The following ZNF407 variants were observed in gnomAD, a reference collection of about 807,000 sequenced individuals.
ZNF407 encodes zinc finger protein 407.
Under a neutral mutation model 131.2 loss-of-function variants are expected in ZNF407, and 17 were observed. That is an observed-to-expected ratio of 0.13 (90% confidence interval 0.09 to 0.19). The LOEUF is 0.19. Ranked by LOEUF, ZNF407 falls within the 10% of genes least tolerant of loss-of-function variation. The pLI is 1.00. For missense variants in ZNF407, 2,681 were observed against 2,830.6 expected (o/e 0.95, Z 1.20); for synonymous variants, 1,156 against 1,062.0 (o/e 1.09, Z -1.72).
chr18:74,817,086 G>A (rs547748761), intron 4 of ZNF407, among the ~76,000 whole-genome samples: 14 of 152,272 alleles, frequency 9.2e-5, no homozygotes, highest in South Asian at 6.2e-4. Context: ...CAGACTCTAA[G>A]AGTTTCCATC....
intron 8 of ZNF407, among the ~76,000 whole-genome samples, chr18:75,028,167 C>T (rs1973193344): frequency 1.3e-5 from 2 of 152,218 alleles, no homozygotes; most frequent in Admixed American, 1.3e-4. Context: ...TAGGGCAGGG[C>T]CCTGTGTCAG....
intron 4 of ZNF407, among the ~76,000 whole-genome samples, chr18:74,827,220 A>G (rs1970421225): frequency 1.3e-5 from 2 of 152,206 alleles, no homozygotes; most frequent in South Asian, 2.1e-4. Context: ...ATTGAAAAGC[A>G]TATGTATTTT....
intron 4 of ZNF407, among the ~76,000 whole-genome samples, chr18:74,796,030 A>G (rs1969913418): frequency 6.6e-6 from 1 of 152,254 alleles, no homozygotes; most frequent in Non-Finnish European, 1.5e-5. Flanking sequence ...CATTGAGAGC[A>G]TGCAAATCGG....
intron 3 of ZNF407, among the ~76,000 whole-genome samples, chr18:74,676,669 C>A (rs917855194): frequency 6.6e-6 from 1 of 151,798 alleles, no homozygotes; most frequent in Non-Finnish European, 1.5e-5. Context: ...CTCCTGACCT[C>A]GTGATCTGCC....
rs537130033 is a variant in ZNF407 at position 75,032,520 on chromosome 18, A to C, written c.5429-30630A>C. Among the ~76,000 whole-genome samples, 35 of 151,864 alleles carry C rather than the reference A, an allele frequency of 2.3e-4. No homozygotes were observed. In the South Asian group the frequency reaches 3.3e-3, roughly 14 times the overall value. ...CCCACCAACCTTCTCTCTTCTCTCG[A>C]CTCTAAGGTAGGTGTACAGTGCCCC... On this transcript the variant is annotated intron_variant, in intron 8 of 8. Coordinates refer to ENST00000299687, the MANE Select transcript of ZNF407 (RefSeq NM_017757.3).
At chr18:74,797,209 G>T (rs940546568) in intron 4 of ZNF407, among the ~76,000 whole-genome samples, 3 of 152,220 alleles carry the variant, frequency 2.0e-5, no homozygotes, top group African/African-American at 7.2e-5. Context: ...GATTCAGTCT[G>T]CGTGGCCTTC....
chr18:74,896,484 A>G (rs1257086918), intron 7 of ZNF407, among the ~76,000 whole-genome samples: 3 of 152,200 alleles, frequency 2.0e-5, no homozygotes, highest in African/African-American at 7.2e-5. Flanking sequence ...TCAAATTGTG[A>G]TGAATTTCTG....
chr18:74,688,020 A>G (rs1302413758), intron 3 of ZNF407, among the ~76,000 whole-genome samples: 3 of 152,202 alleles, frequency 2.0e-5, no homozygotes, highest in African/African-American at 7.2e-5. Context: ...ACTGACCTGC[A>G]CTTTAGTAAA....
chr18:74,602,708 G>A (rs1342621231), intron 1 of ZNF407, among the ~76,000 whole-genome samples: 1 of 152,126 alleles, frequency 6.6e-6, no homozygotes, highest in African/African-American at 2.4e-5. Context: ...GAACCAAGAT[G>A]GTCTGACTTC....
intron 7 of ZNF407, among the ~76,000 whole-genome samples, chr18:74,918,735 T>C (rs1971807206): frequency 6.6e-6 from 1 of 152,096 alleles, no homozygotes; most frequent in Non-Finnish European, 1.5e-5. Context: ...GTGTTATTGT[T>C]ATTTTAATTT....
chr18:74,916,781 A>AGT (rs375090606), intron 7 of ZNF407, among the ~76,000 whole-genome samples: 6,738 of 87,844 alleles, frequency 0.077, 429 homozygotes, highest in South Asian at 0.16. Flanking sequence ...TCGAATCGGG[A>AGT]GTGTGTGTGT....
At chr18:74,735,569 T>C (rs982386793) in intron 3 of ZNF407, among the ~76,000 whole-genome samples, 1 of 152,218 alleles carries the variant, frequency 6.6e-6, no homozygotes, top group African/African-American at 2.4e-5. Context: ...TACTCAACCG[T>C]TGAGGAGAGT....
intron 3 of ZNF407, among the ~76,000 whole-genome samples, chr18:74,704,745 A>G (rs7359726): frequency 0.083 from 12,679 of 152,276 alleles, 710 homozygotes; most frequent in African/African-American, 0.16. Flanking sequence ...GTTTTCTTGC[A>G]TTAGAAACAC....
chr18:74,858,960 G>C (rs989055603), intron 4 of ZNF407, among the ~76,000 whole-genome samples: 1 of 151,344 alleles, frequency 6.6e-6, no homozygotes, highest in Non-Finnish European at 1.5e-5. Flanking sequence ...AACAAGATAC[G>C]TTATTAATGG....
chr18:74,889,352 A>G (rs1971354234), intron 6 of ZNF407, among the ~76,000 whole-genome samples: 3 of 152,142 alleles, frequency 2.0e-5, no homozygotes, highest in Admixed American at 2.0e-4. Context: ...CAGGGTTGGT[A>G]TATTTTAATG....
chr18:74,641,071 A>G lies in ZNF407; in HGVS notation c.4751A>G (p.Asn1584Ser). ...FATAQLGDAR[N>S]HVKRHLGMRE... ...ACAGCTCAGCTTGGAGATGCCAGAA[A>G]CCATGTGAAAAGGCACCTTGGGATG... Residue 1584 changes from asparagine to serine, a missense_variant, in exon 3 of 9, where the codon AAC becomes AGC. Asn to Ser is a conservative substitution (Grantham distance 46). Coordinates refer to ENST00000299687, the MANE Select transcript of ZNF407 (RefSeq NM_017757.3). 6.2e-7 allele frequency: 1 copy of G among 1,613,416 alleles called. No homozygotes were observed.
Position 74,634,959 on chromosome 18 carries a change from C to T in ZNF407, c.3940C>T (p.His1314Tyr), listed in dbSNP as rs1469374622. The part of the protein sequence containing the change: ...GNKEILMNSQ[H>Y]ETEFILEEDG... ...TAAGGAAATTCTGATGAATTCACAA[C>T]ATGAAACAGAATTTATTTTGGAGGA... The change falls in exon 2 of 9, where the codon CAT becomes TAT. Residue 1314 changes from histidine (H) to tyrosine (Y), a missense_variant. This residue lies in a region of ZNF407 where 1,789 missense variants were observed against 1,748.7 expected (regional missense o/e 1.02). Transcript: ENST00000299687. 1.2e-6 allele frequency: 2 copies of T among 1,613,838 alleles called. No individual in the cohort carries two copies. Among genetic ancestry groups the T allele is most frequent in the African/African-American group, 1.3e-5 (1 of 74,912 alleles).
chr18:74,676,468 GCT>G (rs563124084), intron 3 of ZNF407, among the ~76,000 whole-genome samples: 2,989 of 141,586 alleles, frequency 0.021, 51 homozygotes, highest in Middle Eastern at 0.051. Flanking sequence ...ACGGAGTCTC[GCT>G]CTGTCACCCA....
At chr18:74,835,214 G>A (rs1248866610) in intron 4 of ZNF407, among the ~76,000 whole-genome samples, 1 of 152,176 alleles carries the variant, frequency 6.6e-6, no homozygotes, top group Admixed American at 6.5e-5. Flanking sequence ...TCTGCATCAA[G>A]GCGGACATCT....
Sources: gnomAD v4.1 joint callset for allele counts (sites outside exome capture counted in the v4.1 genomes callset) on GRCh38, gnomAD v4.1.1 for gene constraint, gnomAD v4.1.1 regional missense constraint, MANE v1.5 for transcripts, NCBI Gene and HGNC (gene_info 2026-07-23, HGNC 2026-07-21) for gene names.